PABPC4L: variants seen among roughly 807,000 people sequenced by gnomAD.
PABPC4L encodes the protein polyadenylate-binding protein 4-like.
For missense variants in PABPC4L, 452 were observed against 451.4 expected (o/e 1.00, Z -0.01); for synonymous variants, 169 against 164.1 (o/e 1.03, Z -0.23).
At chr4:133,986,944 C>A in the PABPC4L span, among the ~76,000 whole-genome samples, 1 of 152,050 alleles carries the variant, frequency 6.6e-6, no homozygotes, top group Non-Finnish European at 1.5e-5. Flanking sequence ...GTATGTTGGC[C>A]AGGCTAGTCT....
the PABPC4L span, among the ~76,000 whole-genome samples, chr4:134,002,235 T>C: frequency 2.7e-4 from 41 of 152,070 alleles, no homozygotes; most frequent in East Asian, 7.1e-3. Context: ...GCTTCTTTTA[T>C]TGTTTCCTAG....
the PABPC4L span, among the ~76,000 whole-genome samples, chr4:133,970,782 G>T: frequency 7.9e-5 from 12 of 152,040 alleles, no homozygotes; most frequent in Admixed American, 6.6e-4. Context: ...TATTAAAAAG[G>T]ACCAAGAGAA....
At chr4:134,005,918 T>A in the PABPC4L span, among the ~76,000 whole-genome samples, 1 of 151,736 alleles carries the variant, frequency 6.6e-6, no homozygotes, top group Non-Finnish European at 1.5e-5. Context: ...GAGAATATAT[T>A]TGGATAAAAA....
chr4:134,060,152 G>A, the PABPC4L span, among the ~76,000 whole-genome samples: 2,147 of 152,158 alleles, frequency 0.014, 49 homozygotes, highest in African/African-American at 0.05. Flanking sequence ...ATTTAGACCA[G>A]CTCTCACCAG....
the PABPC4L span, among the ~76,000 whole-genome samples, chr4:134,048,912 A>C: frequency 1.3e-5 from 2 of 152,080 alleles, no homozygotes; most frequent in African/African-American, 4.8e-5. Context: ...GTTTGTCTTA[A>C]TTCTATATTT....
the PABPC4L span, among the ~76,000 whole-genome samples, chr4:134,089,425 C>T: frequency 1.3e-5 from 2 of 152,046 alleles, no homozygotes; most frequent in African/African-American, 4.8e-5. Context: ...CCACAGTTTA[C>T]ATTAGGATTT....
the PABPC4L span, among the ~76,000 whole-genome samples, chr4:133,966,333 G>C: frequency 4.0e-5 from 6 of 151,860 alleles, no homozygotes; most frequent in Admixed American, 3.3e-4. Flanking sequence ...CTGGATGCCA[G>C]GGAACACTTC....
At chr4:134,133,409 A>T in the PABPC4L span, among the ~76,000 whole-genome samples, 1 of 144,440 alleles carries the variant, frequency 6.9e-6, no homozygotes, top group African/African-American at 2.5e-5. Flanking sequence ...ATTATATATT[A>T]TTATATGGTA....
At chr4:134,112,835 G>T in the PABPC4L span, among the ~76,000 whole-genome samples, 507 of 151,810 alleles carry the variant, frequency 3.3e-3, 5 homozygotes, top group African/African-American at 0.012. Flanking sequence ...AGCTCAGGGA[G>T]GTTCTTTAGG....
At chr4:133,973,663 A>T in the PABPC4L span, among the ~76,000 whole-genome samples, 1 of 152,086 alleles carries the variant, frequency 6.6e-6, no homozygotes, top group Non-Finnish European at 1.5e-5. Context: ...GGGAATTATC[A>T]CTATTTGACC....
the PABPC4L span, among the ~76,000 whole-genome samples, chr4:134,088,344 G>A: frequency 2.0e-5 from 3 of 152,012 alleles, no homozygotes; most frequent in East Asian, 5.8e-4. Flanking sequence ...CTACTACTGG[G>A]ACCTAAGCTG....
chr4:134,031,002 T>C, the PABPC4L span, among the ~76,000 whole-genome samples: 1 of 152,080 alleles, frequency 6.6e-6, no homozygotes, highest in Non-Finnish European at 1.5e-5. Flanking sequence ...TAATATTTCA[T>C]GCACATGCAG....
chr4:134,017,570 T>A, the PABPC4L span, among the ~76,000 whole-genome samples: 2 of 152,156 alleles, frequency 1.3e-5, no homozygotes, highest in South Asian at 2.1e-4. Flanking sequence ...ACTCTTAAAG[T>A]AAATAAATAA....
chr4:133,993,946 TAAAC>T, the PABPC4L span, among the ~76,000 whole-genome samples: 943 of 152,108 alleles, frequency 6.2e-3, 9 homozygotes, highest in Non-Finnish European at 9.3e-3. Flanking sequence ...CTGTAATAAA[TAAAC>T]AGAGTAAGCA....
At chr4:134,099,761 T>C in the PABPC4L span, among the ~76,000 whole-genome samples, 1 of 151,594 alleles carries the variant, frequency 6.6e-6, no homozygotes, top group South Asian at 2.1e-4. Context: ...AAATGCTATT[T>C]GATCTCAGGG....
chr4:134,044,522 C>G, the PABPC4L span, among the ~76,000 whole-genome samples: 1 of 152,236 alleles, frequency 6.6e-6, no homozygotes, highest in Admixed American at 6.5e-5. Context: ...CCTCAGCCTC[C>G]CAAAGTGCTG....
chr4:134,008,578 G>A, the PABPC4L span, among the ~76,000 whole-genome samples: 2 of 151,688 alleles, frequency 1.3e-5, no homozygotes, highest in East Asian at 3.9e-4. Context: ...CTGAACAGAG[G>A]AATACAGTTC....
chr4:134,004,447 T>C, the PABPC4L span, among the ~76,000 whole-genome samples: 1 of 151,804 alleles, frequency 6.6e-6, no homozygotes, highest in Non-Finnish European at 1.5e-5. Flanking sequence ...GGTGATATAA[T>C]TTCACATTCA....
the PABPC4L span, among the ~76,000 whole-genome samples, chr4:134,117,739 TA>T: frequency 6.6e-6 from 1 of 151,704 alleles, no homozygotes; most frequent in East Asian, 2.0e-4. Flanking sequence ...CAATATATAT[TA>T]AAAAATGGCA....
Sources: gnomAD v4.1 joint callset for allele counts (sites outside exome capture counted in the v4.1 genomes callset) on GRCh38, gnomAD v4.1.1 for gene constraint, MANE v1.5 for transcripts, NCBI Gene and HGNC (gene_info 2026-07-23, HGNC 2026-07-21) for gene names.